The following CDIN1 variants were observed in gnomAD, a reference collection of about 807,000 sequenced individuals.
The protein encoded by CDIN1 is CDAN1-interacting nuclease 1.
Under a neutral mutation model 45.3 loss-of-function variants are expected in CDIN1, and 33 were observed. The observed-to-expected ratio is 0.73, with a 90% confidence interval of 0.55 to 0.97. The LOEUF is 0.97. Among genes scored for constraint, CDIN1 ranks in the 50% least tolerant of loss-of-function variants. The probability of loss-of-function intolerance (pLI) is 0.00; values close to 1 mark genes in which losing one functional copy is unlikely to be tolerated. For synonymous variants in CDIN1, 118 were observed against 124.4 expected, an observed-to-expected ratio of 0.95 and a Z score of 0.34; for missense variants, 303 against 339.4, an observed-to-expected ratio of 0.89 and a Z score of 0.84.
chr15:36,666,306 T>G (rs2041246452), intron 5 of CDIN1, among the ~76,000 whole-genome samples: 1 of 152,200 alleles, frequency 6.6e-6, no homozygotes, highest in African/African-American at 2.4e-5. Flanking sequence ...TGATGAAATG[T>G]AGTAGACTGA....
At chr15:36,662,301 A>T (rs1483323959) in intron 5 of CDIN1, among the ~76,000 whole-genome samples, 2 of 152,212 alleles carry the variant, frequency 1.3e-5, no homozygotes, top group African/African-American at 2.4e-5. Context: ...TGTGCTTTTC[A>T]ACATAATGTG....
intron 1 of CDIN1, among the ~76,000 whole-genome samples, chr15:36,634,840 A>G (rs1404850919): frequency 6.6e-6 from 1 of 152,186 alleles, no homozygotes; most frequent in Non-Finnish European, 1.5e-5. Context: ...ACATACCACC[A>G]TTGCTCAATT....
At chr15:36,670,791 T>C (rs2041420882) in intron 5 of CDIN1, among the ~76,000 whole-genome samples, 3 of 152,176 alleles carry the variant, frequency 2.0e-5, no homozygotes, top group South Asian at 2.1e-4. Flanking sequence ...CTGTGAACAT[T>C]GGTAAAGAAT....
intron 10 of CDIN1, among the ~76,000 whole-genome samples, chr15:36,804,263 A>ATATTATTT (rs1362193614): frequency 3.3e-5 from 5 of 152,162 alleles, no homozygotes; most frequent in African/African-American, 1.2e-4. Flanking sequence ...TGTTGTAACT[A>ATATTATTT]TATTATTTTC....
intron 10 of CDIN1, among the ~76,000 whole-genome samples, chr15:36,766,834 G>A (rs2053937239): frequency 6.6e-6 from 1 of 152,114 alleles, no homozygotes. Context: ...CCCCTTCTTA[G>A]ATATATGGTT....
chr15:36,597,082 T>G lies in CDIN1; in HGVS notation c.101+17121T>G, dbSNP rs148932249. On this transcript the variant is annotated intron_variant, in intron 1 of 10. Coordinates refer to ENST00000566621, the MANE Select transcript of CDIN1 (RefSeq NM_001321759.2). ...CCAAGACCATTTTGGACCTGATATA[T>G]GCCCCTAAGCTTATTACATCACTAA... Among the ~76,000 whole-genome samples the G allele has an allele frequency of 2.4e-3, 362 of 152,308 alleles. 3 individuals carry two copies. The highest frequency in any genetic ancestry group is 8.1e-3 in the African/African-American group (337 of 41,568).
intron 3 of CDIN1, among the ~76,000 whole-genome samples, chr15:36,650,287 A>T (rs559853781): frequency 6.6e-6 from 1 of 152,346 alleles, no homozygotes; most frequent in African/African-American, 2.4e-5. Context: ...AAATGGCGTT[A>T]GTACAGTGTG....
At chr15:36,609,160 C>T (rs1372575350) in intron 1 of CDIN1, among the ~76,000 whole-genome samples, 1 of 152,162 alleles carries the variant, frequency 6.6e-6, no homozygotes, top group Non-Finnish European at 1.5e-5. Context: ...CACAGGTGTG[C>T]AACCACTATG....
At chr15:36,722,210 C>T (rs958258766) in intron 10 of CDIN1, among the ~76,000 whole-genome samples, 5 of 151,800 alleles carry the variant, frequency 3.3e-5, no homozygotes, top group African/African-American at 1.2e-4. Context: ...TAATCTTAAC[C>T]TTTGTATCTT....
intron 1 of CDIN1, among the ~76,000 whole-genome samples, chr15:36,581,707 G>A (rs533007825): frequency 2.7e-4 from 41 of 152,028 alleles, no homozygotes; most frequent in African/African-American, 8.7e-4. Context: ...GCAAAACCCC[G>A]TCTCTAATAA....
intron 10 of CDIN1, among the ~76,000 whole-genome samples, chr15:36,750,008 A>C (rs1276758305): frequency 6.6e-6 from 1 of 152,136 alleles, no homozygotes; most frequent in Non-Finnish European, 1.5e-5. Flanking sequence ...CCTCTGTTTG[A>C]AACTCCAGAC....
chr15:36,597,389 T>C (rs765882532), intron 1 of CDIN1, among the ~76,000 whole-genome samples: 8 of 152,148 alleles, frequency 5.3e-5, no homozygotes, highest in Non-Finnish European at 7.4e-5. Flanking sequence ...TCTACCACCA[T>C]CCCAACTCTT....
In CDIN1 at chr15:36,808,870, C is replaced by T. The variant is rs1179834611; in HGVS notation, c.*417C>T. 3 of 456,374 alleles carry T rather than the reference C, an allele frequency of 6.6e-6. No homozygotes were observed. Among genetic ancestry groups the T allele is most frequent in the African/African-American group, 2.0e-5 (1 of 50,020 alleles). The allele number at this position is 456,374 out of a possible 1,614,324, so 28.3% of individuals were successfully genotyped here. ...TTCCCTAAGCCTCCGTTCACTGTCT[C>T]TCCCTCTCCCTTTCTCTTCATGTGC... On this transcript the variant is annotated 3_prime_UTR_variant, in exon 11 of 11. Coordinates refer to ENST00000566621, the MANE Select transcript of CDIN1 (RefSeq NM_001321759.2).
intron 8 of CDIN1, chr15:36,701,863 A>G (rs181299518): frequency 1.6e-4 from 91 of 568,218 alleles, no homozygotes; most frequent in African/African-American, 1.5e-3. Context: ...TGTAAAGCCA[A>G]ATAGGCTTAG....
intron 10 of CDIN1, among the ~76,000 whole-genome samples, chr15:36,798,035 A>G (rs889520956): frequency 3.3e-5 from 5 of 151,748 alleles, no homozygotes; most frequent in Admixed American, 1.3e-4. Flanking sequence ...CAAAAAAAAA[A>G]AAAAAAAAAA....
intron 10 of CDIN1, among the ~76,000 whole-genome samples, chr15:36,765,057 C>CTTTTTTTTTTTTT (rs377685100): frequency 7.2e-6 from 1 of 139,644 alleles, no homozygotes. Flanking sequence ...ATTTTTCTTT[C>CTTTTTTTTTTTTT]TTTCTTTTTT....
At chr15:36,737,169 A>G (rs975241894) in intron 10 of CDIN1, among the ~76,000 whole-genome samples, 4 of 150,186 alleles carry the variant, frequency 2.7e-5, no homozygotes, top group African/African-American at 9.8e-5. Context: ...CCCGGTCTCA[A>G]AAAAAAAAAA....
intron 10 of CDIN1, among the ~76,000 whole-genome samples, chr15:36,779,081 T>C (rs2141047930): frequency 6.6e-6 from 1 of 152,324 alleles, no homozygotes; most frequent in Non-Finnish European, 1.5e-5. Context: ...ACACCATATG[T>C]TGTCATTTTA....
intron 10 of CDIN1, among the ~76,000 whole-genome samples, chr15:36,801,252 G>A (rs369748267): frequency 2.4e-4 from 37 of 151,866 alleles, no homozygotes; most frequent in African/African-American, 7.2e-4. Flanking sequence ...AGCAGTTTCC[G>A]TGATTACAGG....
Sources: gnomAD v4.1 joint callset for allele counts (sites outside exome capture counted in the v4.1 genomes callset) on GRCh38, gnomAD v4.1.1 for gene constraint, MANE v1.5 for transcripts, NCBI Gene and HGNC (gene_info 2026-07-23, HGNC 2026-07-21) for gene names.